EHMT1: variants seen among roughly 807,000 people sequenced by gnomAD.
EHMT1 encodes euchromatic histone lysine methyltransferase 1, also known as histone-lysine N-methyltransferase EHMT1.
Under a neutral mutation model 147.2 loss-of-function variants are expected in EHMT1, and 15 were observed. The ratio of observed to expected loss-of-function variants is 0.10; its 90% CI spans 0.07 to 0.16. EHMT1 has a LOEUF of 0.16. Ranked by LOEUF, EHMT1 falls within the 10% of genes least tolerant of loss-of-function variation. The pLI is 1.00. For missense variants in EHMT1, 1,587 were observed against 1,772.4 expected, an observed-to-expected ratio of 0.90 and a Z score of 1.88; for synonymous variants, 795 against 709.6, an observed-to-expected ratio of 1.12 and a Z score of -1.91.
intron 1 of EHMT1, among the ~76,000 whole-genome samples, chr9:137,655,751 G>A (rs1301027340): frequency 6.6e-6 from 1 of 152,142 alleles, no homozygotes; most frequent in African/African-American, 2.4e-5. Context: ...AACTGCACAT[G>A]CGAGTGATCT....
intron 3 of EHMT1, among the ~76,000 whole-genome samples, chr9:137,727,966 G>A (rs1468942101): frequency 6.6e-6 from 1 of 152,242 alleles, no homozygotes; most frequent in African/African-American, 2.4e-5. Context: ...TTTTAGCTTA[G>A]TAAGTGTATT....
In EHMT1 at chr9:137,647,594, C is replaced by CTTTTT. The variant is rs1365222941; in HGVS notation, c.21+28559_21+28563dup. On this transcript the variant is annotated intron_variant, in intron 1 of 26. Coordinates refer to ENST00000460843, the MANE Select transcript of EHMT1 (RefSeq NM_024757.5). ...TGTGCCTTCTGGGCTCTGCTCTTGCCTTTTTTTTTTTTTTTTTTGAGATGG... is the reference window on the plus strand; with the variant it reads ...TGTGCCTTCTGGGCTCTGCTCTTGCCTTTTTTTTTTTTTTTTTTTTTTTGAGATGG... Among the ~76,000 whole-genome samples, 10 of 129,606 alleles carry CTTTTT rather than the reference C, an allele frequency of 7.7e-5. No individual in the cohort carries two copies. In the East Asian group the frequency reaches 1.7e-3, roughly 22 times the overall value. 85.0% of individuals were successfully genotyped at this position (129,606 alleles called of 152,430 possible).
At chr9:137,765,996 G>A (rs1950193147) in intron 10 of EHMT1, among the ~76,000 whole-genome samples, 1 of 152,136 alleles carries the variant, frequency 6.6e-6, no homozygotes, top group Admixed American at 6.5e-5. Flanking sequence ...GCCGGGTGCA[G>A]TAGCTCATGT....
intron 15 of EHMT1, chr9:137,788,131 G>C (rs977205649): frequency 1.8e-5 from 21 of 1,175,110 alleles, no homozygotes; most frequent in Non-Finnish European, 8.2e-6. Context: ...TCAGAGGAGG[G>C]CAGGGGTGGG....
intron 25 of EHMT1, among the ~76,000 whole-genome samples, chr9:137,833,219 G>A (rs1402956624): frequency 2.0e-5 from 3 of 152,168 alleles, no homozygotes; most frequent in African/African-American, 7.2e-5. Context: ...GTCTCTGCCG[G>A]CAGGCCCCGC....
intron 10 of EHMT1, chr9:137,764,796 C>T (rs1334277000): frequency 3.3e-5 from 5 of 152,198 alleles, no homozygotes. Context: ...TTTTGTGTTT[C>T]TTTCACCCAG....
intron 1 of EHMT1, among the ~76,000 whole-genome samples, chr9:137,688,243 C>T (rs1306345864): frequency 3.9e-5 from 6 of 152,164 alleles, no homozygotes; most frequent in Admixed American, 2.6e-4. Flanking sequence ...AGGCTGGTCT[C>T]GAACTCCTAA....
chr9:137,709,516 T>C (rs1168273353), intron 1 of EHMT1, among the ~76,000 whole-genome samples: 1 of 152,084 alleles, frequency 6.6e-6, no homozygotes, highest in Non-Finnish European at 1.5e-5. Context: ...CGAGACCATA[T>C]GGATGTGAGC....
Position 137,754,370 on chromosome 9 carries a change from G to T in EHMT1, c.1369+79G>T. On this transcript the variant is annotated intron_variant, in intron 8 of 26. Transcript: ENST00000460843. ...GCCAGGAGGCCCACCTGGGGTTGGG[G>T]TGCGTAGGATTTCATTAGAAAAGAG... 4 of 1,585,248 alleles carry T rather than the reference G, an allele frequency of 2.5e-6. No individual in the cohort carries two copies. The South Asian group carries it at 3.4e-5, about 13-fold the overall frequency.
At position 137,787,608 on chromosome 9, in the gene EHMT1, C is replaced by T; in HGVS notation, c.2383-3240C>T. ...CGCAGACAACCGCCTCGCCTTGGCT[C>T]CCTGGCAACAAGCTGGGGGTGGAAG... On this transcript the variant is annotated intron_variant, in intron 15 of 26. Transcript: ENST00000460843. The surrounding 1 kb of genome is among the most constrained non-coding windows in gnomAD (Gnocchi z 4.2). The T allele has an allele frequency of 1.9e-6, 1 of 513,376 alleles. No homozygotes were observed. The highest frequency in any genetic ancestry group is 3.5e-6 in the Non-Finnish European group (1 of 283,804). 31.8% of individuals were successfully genotyped at this position (513,376 alleles called of 1,614,324 possible).
rs778383445 is a variant in EHMT1 at position 137,813,493 on chromosome 9, C to G, written c.3143C>G (p.Ser1048Cys). ...YKYVSQNCVTSPMNIDRNITH... is the reference protein window; with the variant it reads ...YKYVSQNCVTCPMNIDRNITH... ...TACGTCTCTCAGAACTGCGTGACGT[C>G]CCCCATGAACATCGACAGAAATATC... Residue 1048 changes from serine (S) to cysteine (C), a missense_variant, in exon 21 of 27, where the codon TCC becomes TGC. By Grantham distance (112) the Ser-to-Cys change is moderately radical. Around this residue, in one of 7 missense-constraint regions of EHMT1, gnomAD observed 156 missense variants for 252.5 expected, o/e 0.62. Coordinates refer to ENST00000460843, the MANE Select transcript of EHMT1 (RefSeq NM_024757.5). This position sits in a 1 kb window ranked among gnomAD's most constrained non-coding sequence, Gnocchi z 4.9. 1.2e-6 allele frequency: 2 copies of G among 1,614,038 alleles called. No individual in the cohort carries two copies. The highest frequency in any genetic ancestry group is 1.7e-5 in the Admixed American group (1 of 60,016).
At chr9:137,687,379 G>T (rs75344718) in intron 1 of EHMT1, among the ~76,000 whole-genome samples, 4,253 of 152,254 alleles carry the variant, frequency 0.028, 181 homozygotes, top group African/African-American at 0.097. Flanking sequence ...AGTTGAGATT[G>T]TACTTGGGGC....
At chr9:137,816,381 C>T (rs1954920854) in intron 23 of EHMT1, 1 of 409,722 alleles carries the variant, frequency 2.4e-6, no homozygotes, top group East Asian at 5.6e-5. Context: ...CATTCTTCAA[C>T]AGGTTAGGGC....
chr9:137,667,686 C>T (rs1939824829), intron 1 of EHMT1, among the ~76,000 whole-genome samples: 1 of 152,058 alleles, frequency 6.6e-6, no homozygotes, highest in Non-Finnish European at 1.5e-5. Flanking sequence ...AAAAAAATAA[C>T]CAAGAGGAAA....
intron 10 of EHMT1, among the ~76,000 whole-genome samples, chr9:137,767,760 C>T (rs1331696783): frequency 7.9e-5 from 12 of 152,072 alleles, no homozygotes; most frequent in Admixed American, 7.9e-4. Flanking sequence ...TTGCAGCGTG[C>T]CAAGATCTCA....
rs375663182 is a variant in EHMT1 at position 137,776,749 on chromosome 9, G to T, written c.1923G>T (p.Thr641=). The change falls in exon 12 of 27, where the codon ACG becomes ACT. Residue 641 remains threonine (T), a synonymous_variant. Transcript: ENST00000460843. The surrounding 1 kb of genome is among the most constrained non-coding windows in gnomAD (Gnocchi z 4.4). ...AGAGCTCCAAGGCCAAAGAGGTGAC[G>T]ATAGCTAAAGCAGACACCACCTCGA... is the stretch of plus-strand genomic sequence containing the variant. ...GEESSKAKEV[T]IAKADTTSTV... The T allele has an allele frequency of 6.2e-7, 1 of 1,614,020 alleles. No homozygotes were observed. The highest frequency in any genetic ancestry group is 8.5e-7 in the Non-Finnish European group (1 of 1,179,998).
chr9:137,714,833 G>A (rs1360588531), intron 2 of EHMT1, among the ~76,000 whole-genome samples: 1 of 152,108 alleles, frequency 6.6e-6, no homozygotes, highest in African/African-American at 2.4e-5. Flanking sequence ...ACAGGCATGA[G>A]CCACCACACC....
At chr9:137,794,249 AT>A (rs1952736623) in intron 16 of EHMT1, among the ~76,000 whole-genome samples, 2 of 152,092 alleles carry the variant, frequency 1.3e-5, no homozygotes, top group Admixed American at 6.6e-5. Context: ...CTTATTTTCA[AT>A]TTTTATTATA....
intron 6 of EHMT1, chr9:137,747,817 C>T (rs973846054): frequency 2.0e-5 from 3 of 152,084 alleles, no homozygotes; most frequent in Admixed American, 2.0e-4. Flanking sequence ...ACCTCCCATC[C>T]CCAAAAGTAA....
Sources: allele counts gnomAD v4.1 joint callset (sites outside exome capture counted in the v4.1 genomes callset), GRCh38; gene constraint gnomAD v4.1.1; regional missense constraint gnomAD v4.1.1; non-coding constraint Gnocchi (gnomAD v3.1); transcripts MANE v1.5; gene names NCBI Gene and HGNC (gene_info 2026-07-23, HGNC 2026-07-21).